Variants in JPH3 observed in about 807,000 individuals in gnomAD.
JPH3 encodes junctophilin-3.
In JPH3, 11 loss-of-function variants were observed where a neutral mutation model predicts 59.6. That is an observed-to-expected ratio of 0.18 (90% CI 0.12 to 0.31). The LOEUF (loss-of-function observed/expected upper bound fraction) is 0.31, where lower values mean the gene tolerates loss of function less well. JPH3 is among the 10% of genes least tolerant of loss of function. JPH3 has a pLI of 1.00. For missense variants in JPH3, 1,202 were observed against 1,105.7 expected (o/e 1.09, Z -1.24); for synonymous variants, 673 against 483.6 (o/e 1.39, Z -5.14).
rs530888593 is a variant in JPH3 at position 87,684,265 on chromosome 16, C to T, written c.1284C>T (p.Asn428=). Residue 428 remains asparagine, a splice_region_variant and synonymous_variant, in exon 3 of 5, where the codon AAC becomes AAT. Transcript: ENST00000284262. ...CCCCTTCCTTCCAGCACCGGGAAAACGGTGAGTCTCGCCGGGCCTGATACT... is the reference window on the plus strand; with the variant it reads ...CCCCTTCCTTCCAGCACCGGGAAAATGGTGAGTCTCGCCGGGCCTGATACT... ...EFSPSFQHRE[N]GLEYQRPKRQ... is the part of the protein sequence containing the mutation. The T allele has an allele frequency of 2.5e-5, 40 of 1,613,700 alleles. No individual in the cohort carries two copies. The highest frequency in any genetic ancestry group is 3.3e-4 in the Middle Eastern group (2 of 6,084).
chr16:87,675,611 C>G (rs750048463), intron 2 of JPH3, among the ~76,000 whole-genome samples: 1 of 152,216 alleles, frequency 6.6e-6, no homozygotes, highest in Non-Finnish European at 1.5e-5. Context: ...CCACACTCCC[C>G]CTCTGGCTTT....
At chr16:87,679,646 G>T (rs187376761) in intron 2 of JPH3, among the ~76,000 whole-genome samples, 1 of 152,242 alleles carries the variant, frequency 6.6e-6, no homozygotes, top group Non-Finnish European at 1.5e-5. Flanking sequence ...TTCGCTGTCC[G>T]GGCTGGGTCG....
chr16:87,626,651 CAG>C (rs1265935837), intron 1 of JPH3, among the ~76,000 whole-genome samples: 2 of 152,278 alleles, frequency 1.3e-5, no homozygotes, highest in African/African-American at 2.4e-5. Flanking sequence ...CCGCCACACT[CAG>C]AGCCACTCAG....
In JPH3 at chr16:87,663,036, G is replaced by C. The variant is rs186501043; in HGVS notation, c.1160+18001G>C. 3.8e-3 allele frequency among the ~76,000 whole-genome samples: 586 copies of C among 152,284 alleles called. 2 individuals are homozygous for C. The highest frequency in any genetic ancestry group is 0.02 in the Middle Eastern group (6 of 294). ...CTTTGGACCATAAAAACGCCATGTT[G>C]GGTTGGCAGGATAAGTCGGCAAGTT... On this transcript the variant is annotated intron_variant, in intron 2 of 4. Coordinates refer to ENST00000284262, the MANE Select transcript of JPH3 (RefSeq NM_020655.4).
In JPH3 at chr16:87,607,824, A is replaced by G. The variant is rs191114187; in HGVS notation, c.382+4296A>G. 7.0e-4 allele frequency among the ~76,000 whole-genome samples: 107 copies of G among 152,370 alleles called. No individual in the cohort carries two copies. The Middle Eastern group carries it at 0.017, about 24-fold the overall frequency. Reference sequence around the variant, plus strand: ...GCGGAGATTATGCCAACAGAAACTCATTTCAGAAACAAGAAGCAAGCCCTG... The same window carrying G: ...GCGGAGATTATGCCAACAGAAACTCGTTTCAGAAACAAGAAGCAAGCCCTG... On this transcript the variant is annotated intron_variant, in intron 1 of 4. Coordinates refer to ENST00000284262, the MANE Select transcript of JPH3 (RefSeq NM_020655.4).
chr16:87,670,489 G>C (rs2032987001), intron 2 of JPH3, among the ~76,000 whole-genome samples: 1 of 152,216 alleles, frequency 6.6e-6, no homozygotes, highest in Non-Finnish European at 1.5e-5. Flanking sequence ...CTGCGGGACA[G>C]GACCTGTCCC....
chr16:87,662,666 G>T (rs2019698), intron 2 of JPH3, among the ~76,000 whole-genome samples: 40,147 of 152,090 alleles, frequency 0.26, 5,794 homozygotes, highest in South Asian at 0.4. Flanking sequence ...TGAGCCATGC[G>T]GAGAGTTTGG....
At position 87,682,044 on chromosome 16, in the gene JPH3, C is replaced by G. The variant is rs146413082; in HGVS notation, c.1161-2098C>G. Among the ~76,000 whole-genome samples the G allele has an allele frequency of 2.0e-3, 307 of 152,256 alleles. 1 individual carries two copies. The highest frequency in any genetic ancestry group is 0.01 in the Middle Eastern group (3 of 294). On this transcript the variant is annotated intron_variant, in intron 2 of 4. Transcript: ENST00000284262. ...AGTTTCAGGAGATGCACGGACCACC[C>G]AAGGGCCTGGAATCGGAGCCCCCAC...
chr16:87,694,980 C>T (rs536277937), intron 4 of JPH3: 26 of 293,350 alleles, frequency 8.9e-5, no homozygotes, highest in African/African-American at 2.2e-4. Context: ...GCTTCCACTC[C>T]GTGGCTGTTG....
Position 87,637,380 on chromosome 16 carries a change from C to G in JPH3, c.383-6878C>G, listed in dbSNP as rs1228567990. On this transcript the variant is annotated intron_variant, in intron 1 of 4. Transcript: ENST00000284262. ...CCGTCTGTCTCTGGATTTACCTGTT[C>G]ATGTTATGGGGGAGAGAGAGAGAGA... 3.4e-5 allele frequency among the ~76,000 whole-genome samples: 5 copies of G among 148,852 alleles called. No individual in the cohort carries two copies. The South Asian group carries it at 8.6e-4, about 26-fold the overall frequency.
At chr16:87,685,863 C>G (rs1253664333) in intron 3 of JPH3, among the ~76,000 whole-genome samples, 3 of 152,184 alleles carry the variant, frequency 2.0e-5, no homozygotes, top group African/African-American at 7.2e-5. Context: ...CCAAATCCCC[C>G]AAGAGACGCA....
At chr16:87,672,418 G>A (rs774217725) in intron 2 of JPH3, among the ~76,000 whole-genome samples, 12 of 152,210 alleles carry the variant, frequency 7.9e-5, no homozygotes, top group Admixed American at 6.5e-4. Flanking sequence ...CAGGGGTTCC[G>A]TCCCAGGGGC....
intron 2 of JPH3, among the ~76,000 whole-genome samples, chr16:87,665,344 G>T (rs2032827892): frequency 6.6e-6 from 1 of 151,998 alleles, no homozygotes; most frequent in Non-Finnish European, 1.5e-5. Flanking sequence ...GGGTCTTGGG[G>T]TAGGGTCTGA....
chr16:87,695,110 C>T (rs2033763877), intron 4 of JPH3: 2 of 357,848 alleles, frequency 5.6e-6, no homozygotes, highest in Admixed American at 3.7e-5. Context: ...CATCAATTCT[C>T]TTCCAGTCTC....
chr16:87,643,637 G>C (rs1052218034), intron 1 of JPH3, among the ~76,000 whole-genome samples: 1 of 152,182 alleles, frequency 6.6e-6, no homozygotes, highest in African/African-American at 2.4e-5. Context: ...GCCCTTGGCA[G>C]GGGCTCCGTA....
At chr16:87,613,823 A>G (rs982120452) in intron 1 of JPH3, among the ~76,000 whole-genome samples, 4 of 152,230 alleles carry the variant, frequency 2.6e-5, no homozygotes, top group Admixed American at 2.0e-4. Flanking sequence ...TAGACGTTAT[A>G]TCTTACATTC....
chr16:87,620,458 G>GAGA (rs1168736959), intron 1 of JPH3, among the ~76,000 whole-genome samples: 32 of 66,056 alleles, frequency 4.8e-4, no homozygotes, highest in East Asian at 1.4e-3. Flanking sequence ...GAGAGAAGGA[G>GAGA]AGAGAGGGAG....
intron 2 of JPH3, among the ~76,000 whole-genome samples, chr16:87,651,217 C>A (rs1477212066): frequency 6.6e-6 from 1 of 152,180 alleles, no homozygotes; most frequent in East Asian, 1.9e-4. Context: ...GTGTTGTGAT[C>A]TACTGCTCAG....
intron 1 of JPH3, among the ~76,000 whole-genome samples, chr16:87,636,324 C>T (rs1276797709): frequency 3.9e-5 from 6 of 152,244 alleles, no homozygotes; most frequent in Admixed American, 2.6e-4. Context: ...TAGGGTGTTG[C>T]TGGCACAGCC....
Sources: allele counts gnomAD v4.1 joint callset (sites outside exome capture counted in the v4.1 genomes callset), GRCh38; gene constraint gnomAD v4.1.1; transcripts MANE v1.5; gene names NCBI Gene and HGNC (gene_info 2026-07-23, HGNC 2026-07-21).